The following CACNA2D1 variants were observed in gnomAD, a reference collection of about 807,000 sequenced individuals.
The protein encoded by CACNA2D1 is voltage-dependent calcium channel subunit alpha-2/delta-1.
Under a neutral mutation model 171.5 loss-of-function variants are expected in CACNA2D1, and 53 were observed. The ratio of observed to expected loss-of-function variants is 0.31; its 90% CI spans 0.25 to 0.39. The LOEUF is 0.39. Among genes scored for constraint, CACNA2D1 ranks in the 10% least tolerant of loss-of-function variants. The pLI is 1.00. For missense variants in CACNA2D1, 903 were observed against 1,299.8 expected (o/e 0.69, Z 4.69); for synonymous variants, 442 against 443.1 (o/e 1.00, Z 0.03).
intron 25 of CACNA2D1, among the ~76,000 whole-genome samples, chr7:81,972,917 T>G (rs1795440162): frequency 6.6e-6 from 1 of 151,986 alleles, no homozygotes; most frequent in South Asian, 2.1e-4. Flanking sequence ...TATTTTGGAG[T>G]ACATTTTAAT....
At chr7:81,955,647 A>G (rs926675057) in intron 38 of CACNA2D1, among the ~76,000 whole-genome samples, 2 of 152,052 alleles carry the variant, frequency 1.3e-5, no homozygotes, top group Non-Finnish European at 2.9e-5. Context: ...ATACTTCTAC[A>G]ATTATGAAGC....
intron 3 of CACNA2D1, among the ~76,000 whole-genome samples, chr7:82,227,861 CTTTA>C (rs938560379): frequency 7.2e-5 from 11 of 152,188 alleles, no homozygotes; most frequent in African/African-American, 2.6e-4. Context: ...TAAATAAAGG[CTTTA>C]TATATCCTCA....
At chr7:82,067,892 T>G (rs1429066255) in intron 7 of CACNA2D1, among the ~76,000 whole-genome samples, 2 of 152,170 alleles carry the variant, frequency 1.3e-5, no homozygotes, top group Non-Finnish European at 2.9e-5. Flanking sequence ...CATGCTATGC[T>G]GATAATACAT....
intron 3 of CACNA2D1, among the ~76,000 whole-genome samples, chr7:82,327,336 C>A (rs1223687558): frequency 6.6e-6 from 1 of 152,172 alleles, no homozygotes; most frequent in Admixed American, 6.5e-5. Flanking sequence ...TTCTGCAAAT[C>A]TCTTGAGTTG....
Position 82,331,483 on chromosome 7 carries a change from A to G in CACNA2D1, c.294+3652T>C, listed in dbSNP as rs530368714. On this transcript the variant is annotated intron_variant, in intron 3 of 38. Coordinates refer to ENST00000356860, the MANE Select transcript of CACNA2D1 (RefSeq NM_000722.4). ...GCCTCAAAATATTTCTCTTTGAAAT[A>G]ATGTTTTATATTTTTGTGGAATCAA... Among the ~76,000 whole-genome samples, 6 of 152,304 alleles carry G rather than the reference A, an allele frequency of 3.9e-5. No homozygotes were observed. The South Asian group carries it at 1.2e-3, about 32-fold the overall frequency.
chr7:82,332,520 AAGAAAGAAAGAAAGAAAG>A (rs941450955), intron 3 of CACNA2D1, among the ~76,000 whole-genome samples: 9 of 90,224 alleles, frequency 1.0e-4, no homozygotes, highest in African/African-American at 3.9e-4. Context: ...TAAAGAAAGA[AAGAAAGAAAGAAAGAAAG>A]AAAGAAAGAA....
intron 1 of CACNA2D1, among the ~76,000 whole-genome samples, chr7:82,378,192 A>G (rs6467894): frequency 0.73 from 110,485 of 151,992 alleles, 40,517 homozygotes; most frequent in African/African-American, 0.83. Context: ...GAGCCCAGGA[A>G]TTCAAGACCA....
rs114404579 is a variant in CACNA2D1 at position 82,225,041 on chromosome 7, A to G, written c.295-54432T>C. Among the ~76,000 whole-genome samples, 978 of 152,332 alleles carry G rather than the reference A, an allele frequency of 6.4e-3. 14 individuals are homozygous for G. The highest frequency in any genetic ancestry group is 0.022 in the African/African-American group (925 of 41,574). Reference sequence around the variant, plus strand: ...TTTTTCTAAGGGTTTTCCCATTTACACATTATTTTTTGTCCAAGTGATCTT... The same window carrying G: ...TTTTTCTAAGGGTTTTCCCATTTACGCATTATTTTTTGTCCAAGTGATCTT... On this transcript the variant is annotated intron_variant, in intron 3 of 38. Transcript: ENST00000356860.
intron 3 of CACNA2D1, among the ~76,000 whole-genome samples, chr7:82,186,162 C>CA (rs554822143): frequency 2.4e-5 from 2 of 84,402 alleles, no homozygotes; most frequent in Non-Finnish European, 4.5e-5. Context: ...GTCAAAAAAA[C>CA]AAAAAAAGAG....
intron 3 of CACNA2D1, among the ~76,000 whole-genome samples, chr7:82,332,510 T>TAAAGAAAGAAAG (rs757450961): frequency 0.085 from 7,806 of 91,788 alleles, 287 homozygotes; most frequent in Non-Finnish European, 0.097. Flanking sequence ...AAAAGAAATA[T>TAAAGAAAGAAAG]AAAGAAAGAA....
chr7:82,167,412 T>C (rs1795566667), intron 4 of CACNA2D1, among the ~76,000 whole-genome samples: 1 of 152,024 alleles, frequency 6.6e-6, no homozygotes, highest in Admixed American at 6.6e-5. Flanking sequence ...GCTGTATCTG[T>C]GCACTAAAGC....
At chr7:82,005,392 A>T (rs1212151957) in intron 18 of CACNA2D1, 31 bp downstream of exon 18, 1 of 1,275,118 alleles carries the variant, frequency 7.8e-7, no homozygotes, top group East Asian at 2.4e-5. Context: ...TCTACAAAAC[A>T]CTAATCACTG....
At chr7:82,095,613 G>A (rs1811760779) in intron 6 of CACNA2D1, among the ~76,000 whole-genome samples, 2 of 152,128 alleles carry the variant, frequency 1.3e-5, no homozygotes, top group South Asian at 4.1e-4. Context: ...CGTATAACAG[G>A]CACGCCATAA....
At chr7:82,415,164 C>T (rs910103097) in intron 1 of CACNA2D1, among the ~76,000 whole-genome samples, 1 of 152,158 alleles carries the variant, frequency 6.6e-6, no homozygotes, top group Non-Finnish European at 1.5e-5. Flanking sequence ...TACAGGAAGA[C>T]ACATCAGATA....
At chr7:82,016,419 A>C (rs953816068) in intron 12 of CACNA2D1, among the ~76,000 whole-genome samples, 3 of 152,126 alleles carry the variant, frequency 2.0e-5, no homozygotes, top group Non-Finnish European at 2.9e-5. Flanking sequence ...TACCACAACA[A>C]TCATCTAGTA....
chr7:82,379,135 C>A (rs1191378982), intron 1 of CACNA2D1, among the ~76,000 whole-genome samples: 1 of 152,056 alleles, frequency 6.6e-6, no homozygotes, highest in Admixed American at 6.6e-5. Flanking sequence ...GGTGCCTTTT[C>A]ATGTGTGTGG....
intron 3 of CACNA2D1, among the ~76,000 whole-genome samples, chr7:82,213,190 T>C (rs550292276): frequency 2.6e-5 from 4 of 152,154 alleles, no homozygotes; most frequent in Admixed American, 1.3e-4. Context: ...CATGAGCCAC[T>C]GCACCTGGCC....
intron 12 of CACNA2D1, among the ~76,000 whole-genome samples, chr7:82,031,467 C>T (rs928790593): frequency 2.0e-5 from 3 of 151,904 alleles, no homozygotes; most frequent in East Asian, 1.9e-4. Context: ...CATTTATCAA[C>T]TTTTCAAAAG....
At chr7:82,271,847 T>C (rs1326523578) in intron 3 of CACNA2D1, among the ~76,000 whole-genome samples, 2 of 151,900 alleles carry the variant, frequency 1.3e-5, no homozygotes, top group Admixed American at 1.3e-4. Flanking sequence ...ATATTTATAA[T>C]CATAGACAAT....
Sources: gnomAD v4.1 joint callset for allele counts (sites outside exome capture counted in the v4.1 genomes callset) on GRCh38, gnomAD v4.1.1 for gene constraint, MANE v1.5 for transcripts, NCBI Gene and HGNC (gene_info 2026-07-23, HGNC 2026-07-21) for gene names.